The following DPYD variants were observed in gnomAD, a reference collection of about 807,000 sequenced individuals.
DPYD encodes dihydropyrimidine dehydrogenase, also known as dihydropyrimidine dehydrogenase [NADP(+)].
Under a neutral mutation model 116.2 loss-of-function variants are expected in DPYD, and 109 were observed. The observed-to-expected ratio is 0.94, with a 90% CI of 0.80 to 1.10. The LOEUF is 1.10. Among genes scored for constraint, DPYD ranks in the 50% least tolerant of loss-of-function variants. DPYD has a pLI of 0.00. For missense variants in DPYD, 1,302 were observed against 1,254.5 expected, an observed-to-expected ratio of 1.04 and a Z score of -0.57; for synonymous variants, 440 against 432.0, an observed-to-expected ratio of 1.02 and a Z score of -0.23.
intron 2 of DPYD, chr1:97,856,533 C>T (rs1322373695): frequency 1.3e-5 from 2 of 152,158 alleles, no homozygotes; most frequent in East Asian, 3.8e-4. Flanking sequence ...AAACAAAATG[C>T]CTGCACATAA....
intron 2 of DPYD, among the ~76,000 whole-genome samples, chr1:97,849,567 G>C (rs1200307612): frequency 6.6e-6 from 1 of 151,308 alleles, no homozygotes; most frequent in Non-Finnish European, 1.5e-5. Flanking sequence ...TAGGTTTCCT[G>C]AGTAGAAACT....
intron 8 of DPYD, among the ~76,000 whole-genome samples, chr1:97,662,421 C>T (rs1659319430): frequency 6.6e-6 from 1 of 151,296 alleles, no homozygotes. Flanking sequence ...TGACGAGGTC[C>T]AGAGATCGAG....
At chr1:97,452,119 C>A (rs1676449431) in intron 13 of DPYD, among the ~76,000 whole-genome samples, 1 of 152,260 alleles carries the variant, frequency 6.6e-6, no homozygotes, top group East Asian at 1.9e-4. Context: ...AGCATCCCTA[C>A]TCCCGCCCAT....
intron 20 of DPYD, among the ~76,000 whole-genome samples, chr1:97,134,108 G>A (rs1653601871): frequency 7.1e-6 from 1 of 140,212 alleles, no homozygotes; most frequent in African/African-American, 2.7e-5. Context: ...GTGTAAGTGT[G>A]AGCAGCAATA....
intron 7 of DPYD, among the ~76,000 whole-genome samples, chr1:97,682,712 G>A (rs1041531484): frequency 1.3e-5 from 2 of 151,920 alleles, no homozygotes; most frequent in South Asian, 2.1e-4. Context: ...ATCATATTAC[G>A]GGCATTTTGT....
intron 16 of DPYD, among the ~76,000 whole-genome samples, chr1:97,369,293 C>T (rs947910335): frequency 3.9e-5 from 6 of 152,036 alleles, no homozygotes; most frequent in African/African-American, 4.8e-5. Context: ...CACCTTGAGT[C>T]GCAGGAGACA....
Position 97,644,451 on chromosome 1 carries a change from CAG to C in DPYD, c.850+34642_850+34643del, listed in dbSNP as rs543486902. On this transcript the variant is annotated intron_variant, in intron 8 of 22. Coordinates refer to ENST00000370192, the MANE Select transcript of DPYD (RefSeq NM_000110.4). ...TTTTGTTTGTTTGTTTGTTTTGAGACAGAGTCTCCATCTATTGCCCTGTCTGA... is the reference window on the plus strand; with the variant it reads ...TTTTGTTTGTTTGTTTGTTTTGAGACAGTCTCCATCTATTGCCCTGTCTGA... Among the ~76,000 whole-genome samples the C allele has an allele frequency of 4.6e-5, 7 of 151,984 alleles. No individual in the cohort carries two copies. The East Asian group carries it at 1.4e-3, about 29-fold the overall frequency.
At chr1:97,473,483 T>C (rs1019991134) in intron 13 of DPYD, among the ~76,000 whole-genome samples, 1 of 152,136 alleles carries the variant, frequency 6.6e-6, no homozygotes, top group Non-Finnish European at 1.5e-5. Flanking sequence ...ATGACTCGAA[T>C]AGAGATTCTT....
At chr1:97,887,566 T>C (rs1156592680) in intron 1 of DPYD, among the ~76,000 whole-genome samples, 3 of 149,916 alleles carry the variant, frequency 2.0e-5, no homozygotes, top group Non-Finnish European at 3.0e-5. Context: ...AATAGCTACA[T>C]TATGTAAGAT....
At chr1:97,292,752 T>G (rs1314164511) in intron 18 of DPYD, among the ~76,000 whole-genome samples, 2 of 136,332 alleles carry the variant, frequency 1.5e-5, no homozygotes, top group African/African-American at 5.0e-5. Context: ...ACACACTATT[T>G]CTACAAAATA....
At position 97,365,921 on chromosome 1, in the gene DPYD, C is replaced by T. The variant is rs148498426; in HGVS notation, c.2058+7640G>A. 1.8e-3 allele frequency among the ~76,000 whole-genome samples: 272 copies of T among 152,262 alleles called. 6 individuals are homozygous for T. The highest frequency in any genetic ancestry group is 0.016 in the Admixed American group (246 of 15,282). On this transcript the variant is annotated intron_variant, in intron 16 of 22. Transcript: ENST00000370192. Reference sequence around the variant, plus strand: ...AGTGCTGGCATACAGTCATGAGCCACCATGCCTGGCCTATATATAATGTTT... The same window carrying T: ...AGTGCTGGCATACAGTCATGAGCCATCATGCCTGGCCTATATATAATGTTT...
intron 3 of DPYD, among the ~76,000 whole-genome samples, chr1:97,796,573 C>T (rs1468661247): frequency 6.6e-6 from 1 of 151,960 alleles, no homozygotes; most frequent in Non-Finnish European, 1.5e-5. Flanking sequence ...AAATACTCTA[C>T]ATTAATTGGT....
chr1:97,151,157 T>C (rs372420343), intron 20 of DPYD, among the ~76,000 whole-genome samples: 4 of 152,238 alleles, frequency 2.6e-5, no homozygotes, highest in East Asian at 3.8e-4. Context: ...TGAAATGTGT[T>C]CCTTTTAAAA....
chr1:97,382,580 CTG>C lies in DPYD; in HGVS notation c.1906-121_1906-120del, dbSNP rs533555961. 6.2e-4 allele frequency: 348 copies of C among 565,242 alleles called. 1 individual carries two copies. In the African/African-American group the frequency reaches 6.4e-3, roughly 10 times the overall value. The allele number at this position is 565,242 out of a possible 1,614,324, so 35.0% of individuals were successfully genotyped here. A position where few individuals can be genotyped will look rare whatever the true frequency, so the allele number is the denominator to read the frequency against. ...CTATATTATAAAATTAGTTTTCAAA[CTG>C]TGAAAAAATAAATCATTAGAAAATA... On this transcript the variant is annotated intron_variant, in intron 14 of 22. Coordinates refer to ENST00000370192, the MANE Select transcript of DPYD (RefSeq NM_000110.4).
At position 97,626,499 on chromosome 1, in the gene DPYD, C is replaced by T. The variant is rs186149096; in HGVS notation, c.851-31333G>A. On this transcript the variant is annotated intron_variant, in intron 8 of 22. Coordinates refer to ENST00000370192, the MANE Select transcript of DPYD (RefSeq NM_000110.4). ...AACATACAATGACTTCCCATTTCCT[C>T]CAAAAGGAGGCAAGCTCCTCTGCCT... is the stretch of plus-strand genomic sequence containing the variant. Among the ~76,000 whole-genome samples, 341 of 152,116 alleles carry T rather than the reference C, an allele frequency of 2.2e-3. 4 individuals carry two copies. Among genetic ancestry groups the T allele is most frequent in the African/African-American group, 7.7e-3 (319 of 41,532 alleles).
chr1:97,718,326 C>T (rs570503892), intron 5 of DPYD, among the ~76,000 whole-genome samples: 16 of 149,102 alleles, frequency 1.1e-4, no homozygotes, highest in African/African-American at 2.7e-4. Context: ...TTTTTTTTCT[C>T]GCTGATTTGT....
intron 19 of DPYD, among the ~76,000 whole-genome samples, chr1:97,218,972 G>C (rs1193294801): frequency 1.3e-5 from 2 of 152,098 alleles, no homozygotes; most frequent in Non-Finnish European, 2.9e-5. Flanking sequence ...AAAAATTAAA[G>C]GTACCAGTCT....
intron 5 of DPYD, chr1:97,720,685 C>A: frequency 1.5e-6 from 2 of 1,376,504 alleles, no homozygotes; most frequent in Non-Finnish European, 1.9e-6. Flanking sequence ...CTGACAAAAC[C>A]AGATCAGTAA....
At chr1:97,365,403 A>G (rs1248437842) in intron 16 of DPYD, among the ~76,000 whole-genome samples, 2 of 152,180 alleles carry the variant, frequency 1.3e-5, no homozygotes, top group Middle Eastern at 3.2e-3. Context: ...TCATGAACTA[A>G]GACCATAGCC....
Sources: allele counts gnomAD v4.1 joint callset (sites outside exome capture counted in the v4.1 genomes callset), GRCh38; gene constraint gnomAD v4.1.1; transcripts MANE v1.5; gene names NCBI Gene and HGNC (gene_info 2026-07-23, HGNC 2026-07-21).